Variants in NELL1 observed in about 807,000 individuals in gnomAD.
NELL1 encodes neural EGFL like 1.
A neutral mutation model predicts 107.4 loss-of-function variants in NELL1; 76 were observed. The observed-to-expected ratio is 0.71, with a 90% confidence interval of 0.59 to 0.86. The LOEUF is 0.86. Ranked by LOEUF, NELL1 falls within the 40% of genes least tolerant of loss-of-function variation. The pLI, the probability that NELL1 is intolerant of heterozygous loss-of-function variation, is 0.00. For missense variants in NELL1, 1,024 were observed against 1,005.5 expected (o/e 1.02, Z -0.25); for synonymous variants, 353 against 341.2 (o/e 1.03, Z -0.38).
intron 15 of NELL1, among the ~76,000 whole-genome samples, chr11:21,373,940 C>T (rs1043361617): frequency 6.6e-6 from 1 of 152,048 alleles, no homozygotes; most frequent in African/African-American, 2.4e-5. Context: ...AAAAGGGCTG[C>T]TGGTGAATGC....
At chr11:21,141,878 C>T (rs1855877165) in intron 13 of NELL1, among the ~76,000 whole-genome samples, 1 of 152,054 alleles carries the variant, frequency 6.6e-6, no homozygotes, top group African/African-American at 2.4e-5. Context: ...ATTCTCCTTC[C>T]TAAGCCTCCG....
At chr11:20,927,203 C>A in intron 7 of NELL1, 105 bp from the exon 8 acceptor site, 2 of 1,042,918 alleles carry the variant, frequency 1.9e-6, no homozygotes, top group Non-Finnish European at 2.8e-6. Context: ...CTGCTCTGAG[C>A]ATTTTTTTCT....
intron 16 of NELL1, among the ~76,000 whole-genome samples, chr11:21,539,490 A>ATC (rs1856234257): frequency 6.6e-6 from 1 of 151,592 alleles, no homozygotes; most frequent in Admixed American, 6.6e-5. Context: ...GATTTTATTG[A>ATC]GTGGTGGAGG....
At chr11:21,055,493 A>G (rs1445078121) in intron 12 of NELL1, among the ~76,000 whole-genome samples, 1 of 152,024 alleles carries the variant, frequency 6.6e-6, no homozygotes, top group African/African-American at 2.4e-5. Context: ...TTTGAAGCTT[A>G]TTTTCTTTTT....
intron 11 of NELL1, among the ~76,000 whole-genome samples, chr11:20,957,525 A>G (rs954144041): frequency 2.0e-5 from 3 of 152,242 alleles, no homozygotes; most frequent in Non-Finnish European, 4.4e-5. Flanking sequence ...AAAACACAAG[A>G]GAATAAGCTA....
intron 12 of NELL1, among the ~76,000 whole-genome samples, chr11:20,975,653 G>A (rs1487974005): frequency 1.6e-5 from 2 of 124,206 alleles, no homozygotes; most frequent in African/African-American, 3.0e-5. Context: ...TATAATGTAT[G>A]TATTATATAA....
At chr11:21,354,280 T>A (rs369802600) in intron 14 of NELL1, among the ~76,000 whole-genome samples, 6 of 152,288 alleles carry the variant, frequency 3.9e-5, no homozygotes, top group African/African-American at 1.4e-4. Context: ...CAGGATATGA[T>A]GGCTAAGTTG....
intron 13 of NELL1, among the ~76,000 whole-genome samples, chr11:21,204,113 T>A (rs1258010958): frequency 6.6e-6 from 1 of 152,140 alleles, no homozygotes; most frequent in East Asian, 1.9e-4. Flanking sequence ...TCGAAGAGTA[T>A]TTTTGTGGTG....
chr11:21,215,320 C>T (rs2133865324), intron 13 of NELL1, among the ~76,000 whole-genome samples: 1 of 152,314 alleles, frequency 6.6e-6, no homozygotes, highest in Admixed American at 6.5e-5. Flanking sequence ...CCATACTGAA[C>T]TGTGAGTAAA....
At chr11:21,008,268 T>C (rs1210891742) in intron 12 of NELL1, among the ~76,000 whole-genome samples, 1 of 152,170 alleles carries the variant, frequency 6.6e-6, no homozygotes, top group Admixed American at 6.6e-5. Flanking sequence ...AGCTATACCT[T>C]AAGTGTAGCT....
At chr11:21,545,145 G>C (rs1856406034) in intron 16 of NELL1, among the ~76,000 whole-genome samples, 1 of 151,918 alleles carries the variant, frequency 6.6e-6, no homozygotes, top group Non-Finnish European at 1.5e-5. Context: ...TAATGTTTTT[G>C]ACAAACATAT....
At chr11:21,455,473 A>G (rs1277992322) in intron 15 of NELL1, among the ~76,000 whole-genome samples, 3 of 151,904 alleles carry the variant, frequency 2.0e-5, no homozygotes, top group African/African-American at 4.8e-5. Context: ...CTGGGACTAC[A>G]GGTGCATGTC....
At chr11:21,083,632 T>A (rs893754805) in intron 12 of NELL1, among the ~76,000 whole-genome samples, 1 of 152,116 alleles carries the variant, frequency 6.6e-6, no homozygotes, top group Non-Finnish European at 1.5e-5. Context: ...TGGGAAGACA[T>A]TGAAGTTTAA....
chr11:21,128,132 A>G (rs1323940576), intron 13 of NELL1, among the ~76,000 whole-genome samples: 1 of 152,154 alleles, frequency 6.6e-6, no homozygotes, highest in African/African-American at 2.4e-5. Flanking sequence ...GGGACATTTT[A>G]GGGAAAAATA....
At chr11:21,137,886 C>A (rs1478287794) in intron 13 of NELL1, among the ~76,000 whole-genome samples, 1 of 152,156 alleles carries the variant, frequency 6.6e-6, no homozygotes, top group African/African-American at 2.4e-5. Flanking sequence ...TCTTTTCATT[C>A]AGTACATTTT....
intron 15 of NELL1, among the ~76,000 whole-genome samples, chr11:21,456,012 C>T (rs772789004): frequency 3.3e-5 from 5 of 151,822 alleles, no homozygotes; most frequent in Non-Finnish European, 5.9e-5. Context: ...CTCAGCCTCC[C>T]GAGTGAGTAG....
At chr11:21,558,308 T>C (rs1856769389) in intron 16 of NELL1, among the ~76,000 whole-genome samples, 1 of 151,974 alleles carries the variant, frequency 6.6e-6, no homozygotes, top group East Asian at 1.9e-4. Flanking sequence ...AAAAATCAGT[T>C]GACAAATACA....
Position 21,026,601 on chromosome 11 carries a change from C to T in NELL1, c.1300+66041C>T, listed in dbSNP as rs72939993. 7.4e-4 allele frequency among the ~76,000 whole-genome samples: 112 copies of T among 152,142 alleles called. No individual in the cohort carries two copies. In the South Asian group the frequency reaches 0.013, roughly 18 times the overall value. On this transcript the variant is annotated intron_variant, in intron 12 of 19. Transcript: ENST00000357134. ...TAAAAGCAGGGATTTTTGCCTGTTG[C>T]GTTGGTTGTCCCAGTCACTATAGAA...
At chr11:20,916,758 T>C (rs1850267216) in intron 5 of NELL1, among the ~76,000 whole-genome samples, 2 of 152,032 alleles carry the variant, frequency 1.3e-5, no homozygotes, top group South Asian at 4.1e-4. Flanking sequence ...ATTATTATTA[T>C]TTGAAAAGTA....
Sources: allele counts gnomAD v4.1 joint callset (sites outside exome capture counted in the v4.1 genomes callset), GRCh38; gene constraint gnomAD v4.1.1; transcripts MANE v1.5; gene names NCBI Gene and HGNC (gene_info 2026-07-23, HGNC 2026-07-21).